MAP1S: variants seen among roughly 807,000 people sequenced by gnomAD.
MAP1S encodes the protein microtubule associated protein 1S.
MAP1S carries 27 observed loss-of-function variants against 60.9 expected under a neutral mutation model. The ratio of observed to expected loss-of-function variants is 0.44; its 90% CI spans 0.33 to 0.61. The LOEUF (loss-of-function observed/expected upper bound fraction) is 0.61, where lower values mean the gene tolerates loss of function less well. Ranked by LOEUF, MAP1S falls within the 20% of genes least tolerant of loss-of-function variation. The pLI, the probability that MAP1S is intolerant of heterozygous loss-of-function variation, is 0.03. For missense variants in MAP1S, 1,608 were observed against 1,486.6 expected, an observed-to-expected ratio of 1.08 and a Z score of -1.34; for synonymous variants, 826 against 694.2, an observed-to-expected ratio of 1.19 and a Z score of -2.98.
intron 2 of MAP1S, among the ~76,000 whole-genome samples, chr19:17,722,659 G>A (rs147105422): frequency 0.022 from 3,254 of 151,012 alleles, 51 homozygotes; most frequent in Middle Eastern, 0.034. Context: ...TGAGGTTGGA[G>A]AATTGCTTGA....
At chr19:17,724,370 G>A (rs560618987) in intron 3 of MAP1S, among the ~76,000 whole-genome samples, 162 bp downstream of exon 3, 2 of 152,206 alleles carry the variant, frequency 1.3e-5, no homozygotes, top group South Asian at 4.1e-4. Context: ...TTCAGCCTCC[G>A]CTTCTTCCCT....
intron 5 of MAP1S, chr19:17,732,887 G>T (rs938228991): frequency 5.2e-6 from 2 of 388,194 alleles, no homozygotes; most frequent in African/African-American, 4.1e-5. Flanking sequence ...TTTGTAGAGT[G>T]AGTGAAGAGT....
chr19:17,723,374 C>T (rs574720581), intron 2 of MAP1S, among the ~76,000 whole-genome samples: 10 of 151,150 alleles, frequency 6.6e-5, no homozygotes, highest in African/African-American at 1.9e-4. Flanking sequence ...TGTTAAAACC[C>T]CGTCTCTACT....
At chr19:17,733,744 G>T (rs2080514231) in intron 6 of MAP1S, among the ~76,000 whole-genome samples, 2 of 152,226 alleles carry the variant, frequency 1.3e-5, no homozygotes, top group Admixed American at 6.5e-5. Context: ...GAATAGGTGG[G>T]CTGGGTGGTA....
At chr19:17,731,557 C>G (rs1302636655) in intron 5 of MAP1S, among the ~76,000 whole-genome samples, 4 of 152,150 alleles carry the variant, frequency 2.6e-5, no homozygotes, top group African/African-American at 9.7e-5. Context: ...TATCTTGATT[C>G]TTCTATTTCA....
chr19:17,733,601 G>A (rs111665054), intron 6 of MAP1S, among the ~76,000 whole-genome samples, 173 bp downstream of exon 6: 333 of 152,304 alleles, frequency 2.2e-3, no homozygotes, highest in Non-Finnish European at 3.3e-3. Context: ...TGATTCTGTC[G>A]TGTCACTGTT....
rs148814785 is a variant in MAP1S, at chr19:17,721,310, T to G, written c.220+273T>G. On this transcript the variant is annotated intron_variant, in intron 2 of 6. Transcript: ENST00000324096. Reference sequence around the variant, plus strand: ...GGAGATCTCTGAGGAGGGGGTTTTTTGATGAGAAACTGCTATGACTGGTGT... The same window carrying G: ...GGAGATCTCTGAGGAGGGGGTTTTTGGATGAGAAACTGCTATGACTGGTGT... 5.5e-3 allele frequency: 2,471 copies of G among 446,168 alleles called. 15 individuals carry two copies. The highest frequency in any genetic ancestry group is 7.5e-3 in the Non-Finnish European group (1,797 of 238,770). 27.6% of individuals were successfully genotyped at this position (446,168 alleles called of 1,614,324 possible). A position where few individuals can be genotyped will look rare whatever the true frequency, so the allele number is the denominator to read the frequency against.
In MAP1S at chr19:17,727,119, G is replaced by A. The variant is rs1261741098; in HGVS notation, c.1735G>A (p.Gly579Arg). 2 of 1,597,428 alleles carry A rather than the reference G, an allele frequency of 1.3e-6. No homozygotes were observed. The highest frequency in any genetic ancestry group is 1.7e-6 in the Non-Finnish European group (2 of 1,174,752). The change falls in exon 5 of 7, where the codon GGA becomes AGA. Residue 579 changes from glycine (G) to arginine (R), a missense_variant. Gly to Arg is a moderately radical substitution (Grantham distance 125, BLOSUM62 -2). Around this residue, in one of 4 missense-constraint regions of MAP1S, gnomAD observed 1,167 missense variants for 961.4 expected, o/e 1.21. Transcript: ENST00000324096. The surrounding 1 kb of genome is among the most constrained non-coding windows in gnomAD (Gnocchi z 4.1). ...SHSGFPPVANGPRSPPSLRCG... is the reference protein window; with the variant it reads ...SHSGFPPVANRPRSPPSLRCG... ...CTCTGGCTTCCCGCCGGTGGCAAAT[G>A]GACCCCGCAGCCCGCCCAGCCTCCG...
At position 17,726,529 on chromosome 19, in the gene MAP1S, C is replaced by T. The variant is rs1002823902; in HGVS notation, c.1145C>T (p.Thr382Ile). ...CGCGGCCCCGTGCCAGCCAAACCCA[C>T]CGTGCTCTTCGAGAAGATGGGCGTG... Reference protein sequence around the residue: ...LSRGPVPAKPTVLFEKMGVGR... With the variant: ...LSRGPVPAKPIVLFEKMGVGR... Residue 382 changes from threonine (T) to isoleucine (I), a missense_variant, in exon 5 of 7, where the codon ACC (threonine) becomes ATC (isoleucine). Transcript: ENST00000324096. 5.7e-6 allele frequency: 9 copies of T among 1,565,940 alleles called. No individual in the cohort carries two copies. In the South Asian group the frequency reaches 7.0e-5, roughly 12 times the overall value.
In MAP1S at chr19:17,719,601, C is replaced by T. The variant is rs1451915094; in HGVS notation, c.99C>T (p.Val33=). The change falls in exon 1 of 7, where the codon GTC becomes GTT. Residue 33 remains valine, a synonymous_variant. Coordinates refer to ENST00000324096, the MANE Select transcript of MAP1S (RefSeq NM_018174.6). ...EFGSPGLLTY[V]LEELERGIRS... ...GGAGCCCGGGGCTCCTCACCTACGTCCTGGAGGAGCTCGAAAGAGGTCGGG... is the reference window on the plus strand; with the variant it reads ...GGAGCCCGGGGCTCCTCACCTACGTTCTGGAGGAGCTCGAAAGAGGTCGGG... The T allele has an allele frequency of 8.0e-6, 10 of 1,244,340 alleles. No individual in the cohort carries two copies. The highest frequency in any genetic ancestry group is 4.1e-5 in the South Asian group (1 of 24,334). The allele number at this position is 1,244,340 out of a possible 1,614,324, so 77.1% of individuals were successfully genotyped here.
At chr19:17,724,982 C>T (rs894243050) in intron 3 of MAP1S, 67 bp from the exon 4 acceptor site, 3 of 1,606,378 alleles carry the variant, frequency 1.9e-6, no homozygotes, top group East Asian at 4.5e-5. Flanking sequence ...TCGAGGCTAC[C>T]CCAAAGAGGA....
intron 5 of MAP1S, among the ~76,000 whole-genome samples, chr19:17,730,310 T>C (rs1004095077): frequency 6.6e-6 from 1 of 152,218 alleles, no homozygotes; most frequent in Non-Finnish European, 1.5e-5. Context: ...CCTTTGCTCA[T>C]TTTAAAATTT....
intron 5 of MAP1S, 95 bp downstream of exon 5, chr19:17,728,267 A>G (rs748186906): frequency 5.3e-6 from 7 of 1,313,128 alleles, no homozygotes; most frequent in African/African-American, 1.5e-5. Context: ...CAGTTTTTTT[A>G]AAAGAGATGG....
At chr19:17,729,981 A>T (rs1361834421) in intron 5 of MAP1S, among the ~76,000 whole-genome samples, 1 of 151,816 alleles carries the variant, frequency 6.6e-6, no homozygotes, top group East Asian at 1.9e-4. Context: ...TAATTTTAAA[A>T]TTTTTCAGTA....
In MAP1S at chr19:17,719,583, G is replaced by C. The variant is rs772931985; in HGVS notation, c.81G>C (p.Pro27=). The change falls in exon 1 of 7, where the codon CCG becomes CCC. Residue 27 remains proline, a synonymous_variant. Coordinates refer to ENST00000324096, the MANE Select transcript of MAP1S (RefSeq NM_018174.6). ...LLVVGSEFGS[P]GLLTYVLEEL... ...TGGTGGGCAGCGAGTTCGGGAGCCC[G>C]GGGCTCCTCACCTACGTCCTGGAGG... 9.7e-5 allele frequency: 121 copies of C among 1,245,494 alleles called. No homozygotes were observed. The Admixed American group carries it at 2.3e-3, about 23-fold the overall frequency. 77.2% of individuals were successfully genotyped at this position (1,245,494 alleles called of 1,614,324 possible).
rs776239429 is a variant in MAP1S at position 17,726,842 on chromosome 19, C to T, written c.1458C>T (p.Gly486=). 6.4e-6 allele frequency: 10 copies of T among 1,554,204 alleles called. No individual in the cohort carries two copies. Among genetic ancestry groups the T allele is most frequent in the Middle Eastern group, 1.7e-4 (1 of 5,982 alleles). ...CCCGGGACAGCTCGAAGAGAGAGGG[C>T]CTCCTGGCCACCCACCCTAGACCTG... ...VGSRDSSKRE[G]LLATHPRPGQ... is the part of the protein sequence containing the mutation. Residue 486 remains glycine (G), a synonymous_variant, in exon 5 of 7, where the codon GGC becomes GGT. Transcript: ENST00000324096.
chr19:17,720,812 C>G (rs2080363766), intron 1 of MAP1S, 124 bp from the exon 2 acceptor site: 1 of 781,918 alleles, frequency 1.3e-6, no homozygotes. Context: ...ACTTCTGAGT[C>G]TCCAAGCTGT....
Position 17,728,035 on chromosome 19 carries a change from C to G in MAP1S, c.2651C>G (p.Ala884Gly), listed in dbSNP as rs1176598617. 1 of 1,612,030 alleles carries G rather than the reference C, an allele frequency of 6.2e-7. No homozygotes were observed. Among genetic ancestry groups the G allele is most frequent in the African/African-American group, 1.3e-5 (1 of 75,038 alleles). ...CCCAAAGCCACTCCAGTGGCTGCTG[C>G]CAAAACCAAGGGGCTTGCTGGTGGG... Reference protein sequence around the residue: ...AAPKATPVAAAKTKGLAGGDR... With the variant: ...AAPKATPVAAGKTKGLAGGDR... The change falls in exon 5 of 7, where the codon GCC becomes GGC. Residue 884 changes from alanine (A) to glycine (G), a missense_variant. Around this residue, in one of 4 missense-constraint regions of MAP1S, gnomAD observed 1,167 missense variants for 961.4 expected, o/e 1.21. Transcript: ENST00000324096.
At chr19:17,721,313 T>A (rs969758739) in intron 2 of MAP1S, 8 of 438,150 alleles carry the variant, frequency 1.8e-5, no homozygotes, top group Middle Eastern at 6.6e-4. Context: ...GGTTTTTTGA[T>A]GAGAAACTGC....
Sources: gnomAD v4.1 joint callset for allele counts (sites outside exome capture counted in the v4.1 genomes callset) on GRCh38, gnomAD v4.1.1 for gene constraint, gnomAD v4.1.1 regional missense constraint, Gnocchi (gnomAD v3.1) non-coding constraint, MANE v1.5 for transcripts, NCBI Gene and HGNC (gene_info 2026-07-23, HGNC 2026-07-21) for gene names.